The following ADK variants were observed in gnomAD, a reference collection of about 807,000 sequenced individuals.
The protein encoded by ADK is N6,N6-dimethyladenosine kinase.
ADK carries 24 observed loss-of-function variants against 44.7 expected under a neutral mutation model. The ratio of observed to expected loss-of-function variants is 0.54; its 90% CI spans 0.39 to 0.76. ADK has a LOEUF of 0.76. Ranked by LOEUF, ADK falls within the 30% of genes least tolerant of loss-of-function variation. The probability of loss-of-function intolerance (pLI) is 0.00; values close to 1 mark genes in which losing one functional copy is unlikely to be tolerated. For synonymous variants in ADK, 128 were observed against 142.6 expected (o/e 0.90, Z 0.73); for missense variants, 321 against 425.1 (o/e 0.76, Z 2.15).
chr10:74,480,285 G>A (rs1056502483), intron 6 of ADK, among the ~76,000 whole-genome samples: 2 of 149,530 alleles, frequency 1.3e-5, no homozygotes, highest in African/African-American at 4.9e-5. Flanking sequence ...GGAGTGCAGT[G>A]TGGTATGATC....
chr10:74,335,266 A>T (rs1039027145), intron 4 of ADK, among the ~76,000 whole-genome samples: 3 of 151,848 alleles, frequency 2.0e-5, no homozygotes, highest in African/African-American at 4.8e-5. Flanking sequence ...TTATTTATTT[A>T]TTTTTTTGGC....
At chr10:74,153,676 A>G (rs1841674571) in intron 1 of ADK, among the ~76,000 whole-genome samples, 1 of 152,216 alleles carries the variant, frequency 6.6e-6, no homozygotes, top group South Asian at 2.1e-4. Context: ...TTCCTGTGTT[A>G]CAGACGAGCT....
chr10:74,412,875 T>C (rs1356462472), intron 6 of ADK, among the ~76,000 whole-genome samples: 1 of 152,148 alleles, frequency 6.6e-6, no homozygotes, highest in Non-Finnish European at 1.5e-5. Flanking sequence ...CTGGTCGACA[T>C]GGTGAAACCA....
chr10:74,635,942 G>T (rs1467497887), intron 9 of ADK, among the ~76,000 whole-genome samples: 1 of 150,756 alleles, frequency 6.6e-6, no homozygotes, highest in African/African-American at 2.4e-5. Flanking sequence ...AAAAAAATTA[G>T]CTGGGCGCAG....
intron 7 of ADK, among the ~76,000 whole-genome samples, chr10:74,580,403 C>T (rs1019752211): frequency 6.6e-6 from 1 of 152,022 alleles, no homozygotes; most frequent in African/African-American, 2.4e-5. Flanking sequence ...TGGTGAAACC[C>T]CATCTCTATT....
intron 1 of ADK, among the ~76,000 whole-genome samples, chr10:74,183,196 A>G (rs1842625931): frequency 6.6e-6 from 1 of 152,158 alleles, no homozygotes; most frequent in Non-Finnish European, 1.5e-5. Context: ...TGACCTCACA[A>G]AGTGCTGGGC....
At chr10:74,339,776 T>G (rs1300564553) in intron 4 of ADK, among the ~76,000 whole-genome samples, 1 of 152,210 alleles carries the variant, frequency 6.6e-6, no homozygotes, top group Non-Finnish European at 1.5e-5. Flanking sequence ...TTAACAGAGA[T>G]ATGTTTGTAA....
chr10:74,247,224 G>GTTGTT (rs1845452241), intron 3 of ADK, among the ~76,000 whole-genome samples: 1 of 72,006 alleles, frequency 1.4e-5, no homozygotes, highest in Non-Finnish European at 2.3e-5. Flanking sequence ...TTTTTTTTAA[G>GTTGTT]TTTTTTTTTT....
intron 6 of ADK, among the ~76,000 whole-genome samples, chr10:74,436,351 G>A (rs1017731307): frequency 6.6e-6 from 1 of 152,020 alleles, no homozygotes; most frequent in Admixed American, 6.6e-5. Flanking sequence ...AGGTTGCAGT[G>A]AGCCAAGATC....
chr10:74,493,406 C>T lies in ADK; in HGVS notation c.556-31850C>T, dbSNP rs1384232899. 2.0e-5 allele frequency among the ~76,000 whole-genome samples: 3 copies of T among 150,790 alleles called. No homozygotes were observed. In the East Asian group the frequency reaches 5.8e-4, roughly 29 times the overall value. ...GTATATCCACACATACATACATACA[C>T]ACATCTTTACATATATAGACCTCAT... On this transcript the variant is annotated intron_variant, in intron 6 of 10. Transcript: ENST00000539909.
intron 3 of ADK, among the ~76,000 whole-genome samples, chr10:74,276,378 G>T (rs146152589): frequency 6.6e-6 from 1 of 152,182 alleles, no homozygotes; most frequent in African/African-American, 2.4e-5. Flanking sequence ...GATGACAGGG[G>T]TATTGCTTTC....
chr10:74,660,903 G>A lies in ADK; in HGVS notation c.878-9280G>A, dbSNP rs376595439. Among the ~76,000 whole-genome samples the A allele has an allele frequency of 3.5e-4, 53 of 151,884 alleles. No individual in the cohort carries two copies. The Middle Eastern group carries it at 0.014, about 39-fold the overall frequency. The stretch of plus-strand genomic sequence containing the variant: ...AAAAATTAGCTGGGCGTGGTGGCAC[G>A]CACCTGCTGTCCCAGCTACTCAGGA... On this transcript the variant is annotated intron_variant, in intron 9 of 10. Transcript: ENST00000539909.
chr10:74,615,198 T>G (rs999832059), intron 9 of ADK, among the ~76,000 whole-genome samples: 2 of 152,224 alleles, frequency 1.3e-5, no homozygotes, highest in Admixed American at 1.3e-4. Flanking sequence ...TACAGTTCTT[T>G]TTTTCTGTAG....
intron 9 of ADK, chr10:74,655,276 T>A: frequency 2.1e-6 from 1 of 466,828 alleles, no homozygotes; most frequent in African/African-American, 2.0e-5. Context: ...TCTCACTCCA[T>A]CTTTGAGAAG....
At chr10:74,202,564 G>A (rs1447229238) in intron 2 of ADK, among the ~76,000 whole-genome samples, 2 of 152,178 alleles carry the variant, frequency 1.3e-5, no homozygotes, top group African/African-American at 4.8e-5. Context: ...CAGCTGCACT[G>A]TTTTGCATTC....
intron 3 of ADK, among the ~76,000 whole-genome samples, chr10:74,270,437 C>T (rs886521485): frequency 1.2e-4 from 18 of 152,162 alleles, no homozygotes; most frequent in Non-Finnish European, 2.5e-4. Context: ...GCTGGATTTT[C>T]ATCTGCTTCT....
At chr10:74,537,295 G>A (rs1023462761) in intron 7 of ADK, among the ~76,000 whole-genome samples, 1 of 152,120 alleles carries the variant, frequency 6.6e-6, no homozygotes, top group African/African-American at 2.4e-5. Flanking sequence ...TTACACATCT[G>A]AATTGATTGG....
intron 9 of ADK, among the ~76,000 whole-genome samples, chr10:74,668,802 G>T (rs1855064837): frequency 6.6e-6 from 1 of 152,122 alleles, no homozygotes; most frequent in Non-Finnish European, 1.5e-5. Flanking sequence ...GGAGACCAAG[G>T]CAGGAGGATT....
chr10:74,460,372 G>A (rs537374704), intron 6 of ADK, among the ~76,000 whole-genome samples: 5 of 152,220 alleles, frequency 3.3e-5, no homozygotes, highest in Non-Finnish European at 5.9e-5. Context: ...TTATGAGCCT[G>A]CTATTCTGCA....
Sources: gnomAD v4.1 joint callset for allele counts (sites outside exome capture counted in the v4.1 genomes callset) on GRCh38, gnomAD v4.1.1 for gene constraint, MANE v1.5 for transcripts, NCBI Gene and HGNC (gene_info 2026-07-23, HGNC 2026-07-21) for gene names.